Variants in WWC2 observed in about 807,000 individuals in gnomAD.
The protein encoded by WWC2 is protein WWC2.
Under a neutral mutation model 138.5 loss-of-function variants are expected in WWC2, and 101 were observed. The observed-to-expected ratio is 0.73, with a 90% CI of 0.62 to 0.86. The LOEUF (loss-of-function observed/expected upper bound fraction) is 0.86, where lower values mean the gene tolerates loss of function less well. Among genes scored for constraint, WWC2 ranks in the 40% least tolerant of loss-of-function variants. The pLI is 0.00. For missense variants in WWC2, 1,420 were observed against 1,419.4 expected, an observed-to-expected ratio of 1.00 and a Z score of -0.01; for synonymous variants, 558 against 538.4, an observed-to-expected ratio of 1.04 and a Z score of -0.50.
chr4:183,208,252 C>T, intron 3 of WWC2, 96 bp downstream of exon 3: 1 of 1,284,634 alleles, frequency 7.8e-7, no homozygotes. Flanking sequence ...ATTTTGAGTC[C>T]TTTTCCCTCC....
intron 2 of WWC2, among the ~76,000 whole-genome samples, chr4:183,198,427 ATC>A (rs1013576945): frequency 6.6e-5 from 10 of 151,962 alleles, no homozygotes; most frequent in Non-Finnish European, 1.2e-4. Context: ...TAGAGATGGC[ATC>A]TCTCTGTGTT....
Position 183,271,151 on chromosome 4 carries a change from T to G in WWC2, c.2472T>G (p.Leu824=). ...TTTTCACTCTATGGTATAACTTGCT[T>G]CCTTCCAAGCAAATGCCTTGCAAAA... ...SEVFTLWYNL[L]PSKQMPCKKN... Residue 824 remains leucine, a synonymous_variant, in exon 16 of 23, where the codon CTT becomes CTG. Coordinates refer to ENST00000403733, the MANE Select transcript of WWC2 (RefSeq NM_024949.6). The G allele has an allele frequency of 1.2e-6, 2 of 1,613,260 alleles. No homozygotes were observed. Among genetic ancestry groups the G allele is most frequent in the East Asian group, 2.2e-5 (1 of 44,804 alleles).
chr4:183,259,605 A>G (rs753533646), intron 9 of WWC2, 34 bp from the exon 10 acceptor site: 23 of 1,400,600 alleles, frequency 1.6e-5, no homozygotes, highest in African/African-American at 4.4e-5. Context: ...ATATTTTGTT[A>G]TAATCATTTG....
At chr4:183,161,401 T>G (rs1238277658) in intron 1 of WWC2, among the ~76,000 whole-genome samples, 1 of 152,188 alleles carries the variant, frequency 6.6e-6, no homozygotes, top group African/African-American at 2.4e-5. Flanking sequence ...AGCTGAATTT[T>G]GGAAGAAATA....
In WWC2 at chr4:183,280,676, G is replaced by A. The variant is rs190368927; in HGVS notation, c.2563-100G>A. 20 of 1,279,854 alleles carry A rather than the reference G, an allele frequency of 1.6e-5. No homozygotes were observed. The African/African-American group carries it at 2.7e-4, about 17-fold the overall frequency. 79.3% of individuals were successfully genotyped at this position (1,279,854 alleles called of 1,614,324 possible). A position where few individuals can be genotyped will look rare whatever the true frequency, so the allele number is the denominator to read the frequency against. On this transcript the variant is annotated intron_variant, in intron 16 of 22. Transcript: ENST00000403733. ...TATTTGTTTTCAGCAGGAGAGTTGAGTCGTCTTTACAGATAGAAGTGTAAA... is the reference window on the plus strand; with the variant it reads ...TATTTGTTTTCAGCAGGAGAGTTGAATCGTCTTTACAGATAGAAGTGTAAA...
rs1332968107 is a variant in WWC2, at chr4:183,210,543, T to C, written c.522+1518T>C. Among the ~76,000 whole-genome samples, 6 of 152,364 alleles carry C rather than the reference T, an allele frequency of 3.9e-5. No homozygotes were observed. In the East Asian group the frequency reaches 1.2e-3, roughly 29 times the overall value. ...TCTCCATGTATGCCATAACATCATG[T>C]TGTAAGCCTCAAATATACACAATAC... is the stretch of plus-strand genomic sequence containing the variant. On this transcript the variant is annotated intron_variant, in intron 4 of 22. Coordinates refer to ENST00000403733, the MANE Select transcript of WWC2 (RefSeq NM_024949.6).
intron 14 of WWC2, 78 bp downstream of exon 14, chr4:183,266,029 G>C: frequency 7.5e-7 from 1 of 1,333,346 alleles, no homozygotes; most frequent in Admixed American, 2.0e-5. Flanking sequence ...TAATCATACA[G>C]TTCATCAAAA....
chr4:183,250,091 C>T, intron 8 of WWC2, 98 bp downstream of exon 8: 2 of 1,097,744 alleles, frequency 1.8e-6, no homozygotes, highest in East Asian at 2.6e-5. Flanking sequence ...ACTCCCCATA[C>T]ATTCTTACCA....
Position 183,141,888 on chromosome 4 carries a change from T to C in WWC2, c.131+42266T>C, listed in dbSNP as rs954472995. On this transcript the variant is annotated intron_variant, in intron 1 of 22. Coordinates refer to ENST00000403733, the MANE Select transcript of WWC2 (RefSeq NM_024949.6). The stretch of plus-strand genomic sequence containing the variant: ...GCTAGGCACTGCTTGTAGCCATGAA[T>C]ACTACAGCAAAAAGCTTAGCAGAGA... 5.1e-4 allele frequency among the ~76,000 whole-genome samples: 77 copies of C among 152,338 alleles called. 1 individual carries two copies. The highest frequency in any genetic ancestry group is 2.7e-3 in the Admixed American group (41 of 15,306).
intron 1 of WWC2, among the ~76,000 whole-genome samples, chr4:183,116,764 A>G (rs1359419680): frequency 6.6e-6 from 1 of 152,238 alleles, no homozygotes; most frequent in East Asian, 1.9e-4. Context: ...GACTCCTTGA[A>G]TTAAACTATT....
At chr4:183,124,763 G>A (rs1221283090) in intron 1 of WWC2, among the ~76,000 whole-genome samples, 1 of 151,840 alleles carries the variant, frequency 6.6e-6, no homozygotes, top group Non-Finnish European at 1.5e-5. Flanking sequence ...CTAATTTTTT[G>A]TATTCTTAGT....
At chr4:183,168,869 A>G (rs917720579) in intron 1 of WWC2, among the ~76,000 whole-genome samples, 4 of 151,726 alleles carry the variant, frequency 2.6e-5, no homozygotes, top group Middle Eastern at 3.2e-3. Context: ...TTTTTTTGAG[A>G]CAGAGTTTCA....
chr4:183,201,559 C>T (rs958956690), intron 2 of WWC2, among the ~76,000 whole-genome samples: 2 of 152,192 alleles, frequency 1.3e-5, no homozygotes, highest in Admixed American at 1.3e-4. Flanking sequence ...CCAGGTTAAA[C>T]ACCCACAGAA....
At chr4:183,287,246 G>A (rs1171270210) in intron 20 of WWC2, among the ~76,000 whole-genome samples, 5 of 152,226 alleles carry the variant, frequency 3.3e-5, no homozygotes, top group Non-Finnish European at 5.9e-5. Flanking sequence ...TCTAAAGGCA[G>A]ATGAGATGTG....
At chr4:183,280,137 A>G (rs1738015245) in intron 16 of WWC2, among the ~76,000 whole-genome samples, 2 of 151,476 alleles carry the variant, frequency 1.3e-5, no homozygotes, top group African/African-American at 2.4e-5. Flanking sequence ...GCTTACCTGA[A>G]TCATGTGGGG....
chr4:183,196,020 C>G lies in WWC2; in HGVS notation c.241+2312C>G, dbSNP rs116254059. 7.3e-3 allele frequency among the ~76,000 whole-genome samples: 1,109 copies of G among 152,172 alleles called. 20 individuals are homozygous for G. The highest frequency in any genetic ancestry group is 0.025 in the African/African-American group (1,051 of 41,502). On this transcript the variant is annotated intron_variant, in intron 2 of 22. Coordinates refer to ENST00000403733, the MANE Select transcript of WWC2 (RefSeq NM_024949.6). ...CTGTCTTTGCTGCAGTGAGTTCTCA[C>G]GAGATCTGTCTGTTTGAAGGTGTGA... is the stretch of plus-strand genomic sequence containing the variant.
chr4:183,202,349 G>A (rs1177383069), intron 2 of WWC2, among the ~76,000 whole-genome samples: 1 of 151,884 alleles, frequency 6.6e-6, no homozygotes, highest in Non-Finnish European at 1.5e-5. Context: ...CCCTGGGAGG[G>A]GCAGTCTCTT....
rs184969187 is a variant in WWC2, at chr4:183,236,950, G to A, written c.523-3233G>A. 3.9e-5 allele frequency among the ~76,000 whole-genome samples: 6 copies of A among 152,044 alleles called. No homozygotes were observed. The East Asian group carries it at 5.8e-4, about 15-fold the overall frequency. ...CTTCTTTAATCAATGTTTTATAGCAGGGTTGTTCAATCTTTTGGCTTCCCT... is the reference window on the plus strand; with the variant it reads ...CTTCTTTAATCAATGTTTTATAGCAAGGTTGTTCAATCTTTTGGCTTCCCT... On this transcript the variant is annotated intron_variant, in intron 4 of 22. Transcript: ENST00000403733.
chr4:183,303,060 CAAAAAAA>C (rs35439586), intron 21 of WWC2, among the ~76,000 whole-genome samples: 11 of 82,566 alleles, frequency 1.3e-4, no homozygotes, highest in African/African-American at 5.3e-4. Flanking sequence ...GACTCCATCT[CAAAAAAA>C]AAAAAAAAAA....
Sources: allele counts gnomAD v4.1 joint callset (sites outside exome capture counted in the v4.1 genomes callset), GRCh38; gene constraint gnomAD v4.1.1; transcripts MANE v1.5; gene names NCBI Gene and HGNC (gene_info 2026-07-23, HGNC 2026-07-21).